The following CMPK2 variants were observed in gnomAD, a reference collection of about 807,000 sequenced individuals.
CMPK2 encodes cytidine/uridine monophosphate kinase 2.
In CMPK2, 32 loss-of-function variants were observed where a neutral mutation model predicts 33.4. That is an observed-to-expected ratio of 0.96 (90% CI 0.72 to 1.29). The LOEUF is 1.29. Among genes scored for constraint, CMPK2 ranks in the 50% most tolerant of loss-of-function variants. CMPK2 has a pLI of 0.00. For missense variants in CMPK2, 672 were observed against 616.0 expected, an observed-to-expected ratio of 1.09 and a Z score of -0.96; for synonymous variants, 299 against 275.3, an observed-to-expected ratio of 1.09 and a Z score of -0.85.
chr2:6,842,941 A>C lies in CMPK2; in HGVS notation c.993-2263T>G, dbSNP rs188727905. 5.6e-3 allele frequency among the ~76,000 whole-genome samples: 852 copies of C among 152,290 alleles called. 12 individuals are homozygous for C. Among genetic ancestry groups the C allele is most frequent in the Non-Finnish European group, 8.5e-3 (581 of 68,012 alleles). ...GACAGAGCTGAACTTTAGATTTGGA[A>C]ATTTTATATCCACTACCTGCTAGAA... is the stretch of plus-strand genomic sequence containing the variant. On this transcript the variant is annotated intron_variant, in intron 3 of 3. Transcript: ENST00000458098.
chr2:6,859,691 C>A (rs1305884264), intron 3 of CMPK2, among the ~76,000 whole-genome samples: 1 of 152,226 alleles, frequency 6.6e-6, no homozygotes, highest in African/African-American at 2.4e-5. Flanking sequence ...ATGGAAATGC[C>A]TGGATGTCCA....
intron 3 of CMPK2, among the ~76,000 whole-genome samples, chr2:6,856,369 T>C (rs2103222989): frequency 6.6e-6 from 1 of 152,238 alleles, no homozygotes; most frequent in South Asian, 2.1e-4. Flanking sequence ...GGACAGTTGC[T>C]ACCCCTGGGG....
In CMPK2 at chr2:6,861,188, C is replaced by T; in HGVS notation, c.988G>A (p.Asp330Asn). The change falls in exon 3 of 5, where the codon GAC becomes AAC. Residue 330 changes from aspartate (D) to asparagine (N), a missense_variant. By Grantham distance (23) the Asp-to-Asn change is conservative. Coordinates refer to ENST00000256722, the MANE Select transcript of CMPK2 (RefSeq NM_207315.4). ...TCAAGGCATCTTTATACCTACCTGT[C>T]TACAATCACAGGAGATTTGGCAGAT... The part of the protein sequence containing the change: ...KESAKSPVIV[D>N]RYWHSTATYA... The T allele has an allele frequency of 3.7e-6, 6 of 1,613,054 alleles. No individual in the cohort carries two copies. The highest frequency in any genetic ancestry group is 4.2e-6 in the Non-Finnish European group (5 of 1,179,226).
intron 3 of CMPK2, among the ~76,000 whole-genome samples, chr2:6,858,738 T>G (rs1041393371): frequency 7.2e-5 from 11 of 152,368 alleles, no homozygotes; most frequent in African/African-American, 2.4e-4. Context: ...TTAAACCTCT[T>G]TCTTTTGTAA....
At chr2:6,863,409 C>A (rs1189679807) in intron 2 of CMPK2, 55 bp downstream of exon 2, 1 of 1,465,780 alleles carries the variant, frequency 6.8e-7, no homozygotes. Context: ...ATTTCTGTTT[C>A]TGCAACTAAT....
chr2:6,860,670 G>A (rs951397199), intron 3 of CMPK2, among the ~76,000 whole-genome samples: 5 of 152,138 alleles, frequency 3.3e-5, no homozygotes, highest in South Asian at 2.1e-4. Context: ...GCCGAATCTC[G>A]GGTATGTCTT....
chr2:6,866,063 C>A, upstream of CMPK2: 1 of 284,926 alleles, frequency 3.5e-6, no homozygotes. Flanking sequence ...CGTGTGCGTT[C>A]TGCGGGTGGC....
intron 3 of CMPK2, among the ~76,000 whole-genome samples, chr2:6,858,745 G>A (rs902876198): frequency 6.6e-6 from 1 of 152,164 alleles, no homozygotes; most frequent in Non-Finnish European, 1.5e-5. Flanking sequence ...TCTTTCTTTT[G>A]TAAATTGCCC....
At chr2:6,865,918 C>T, upstream of CMPK2, 1 of 1,401,512 alleles carries the variant, frequency 7.1e-7, no homozygotes, top group East Asian at 3.5e-5. Flanking sequence ...GCGCGATAAA[C>T]GGCCGGCGCT....
chr2:6,856,386 T>G (rs1662704570), intron 3 of CMPK2, among the ~76,000 whole-genome samples: 1 of 152,000 alleles, frequency 6.6e-6, no homozygotes, highest in Non-Finnish European at 1.5e-5. Flanking sequence ...GGGGAGGAAA[T>G]GGGCAGTGAC....
intron 3 of CMPK2, among the ~76,000 whole-genome samples, chr2:6,852,574 C>A (rs1174616532): frequency 6.6e-6 from 1 of 152,178 alleles, no homozygotes; most frequent in African/African-American, 2.4e-5. Flanking sequence ...TTCTACGTGA[C>A]TCTACTGAAA....
Position 6,865,114 on chromosome 2 carries a change from C to A in CMPK2, c.583G>T (p.Val195Phe). 1 of 1,507,172 alleles carries A rather than the reference C, an allele frequency of 6.6e-7. No individual in the cohort carries two copies. Among genetic ancestry groups the A allele is most frequent in the Non-Finnish European group, 8.9e-7 (1 of 1,126,772 alleles). 93.4% of individuals were successfully genotyped at this position (1,507,172 alleles called of 1,614,324 possible). A position where few individuals can be genotyped will look rare whatever the true frequency, so the allele number is the denominator to read the frequency against. ...ACCGGGTGCAGCGGGGGCTCCGGGA[C>A]GGGCACGACCTGTGCGCAGCCCACC... ...LQVGCAQVVP[V>F]PEPPLHPVVP... Residue 195 changes from valine to phenylalanine, a missense_variant, in exon 1 of 5, where the codon GTC (valine) becomes TTC (phenylalanine). Physicochemically the swap from Val to Phe is conservative, Grantham distance 50. Transcript: ENST00000256722.
chr2:6,847,192 A>G (rs1662383501), downstream of CMPK2, among the ~76,000 whole-genome samples: 2 of 152,074 alleles, frequency 1.3e-5, no homozygotes, highest in Admixed American at 1.3e-4. Context: ...CTGGCCCAGG[A>G]CCAATCAGAA....
At chr2:6,843,601 G>T (rs1181356815), downstream of CMPK2, among the ~76,000 whole-genome samples, 6 of 152,112 alleles carry the variant, frequency 3.9e-5, no homozygotes, top group Non-Finnish European at 7.4e-5. Flanking sequence ...GGCTAATATT[G>T]ATTTCTACTA....
Position 6,865,115 on chromosome 2 carries a change from G to T in CMPK2, c.582C>A (p.Pro194=), listed in dbSNP as rs768051495. Residue 194 remains proline (P), a synonymous_variant, in exon 1 of 5, where the codon CCC becomes CCA. Transcript: ENST00000256722. ...CCGGGTGCAGCGGGGGCTCCGGGACGGGCACGACCTGTGCGCAGCCCACCT... is the reference window on the plus strand; with the variant it reads ...CCGGGTGCAGCGGGGGCTCCGGGACTGGCACGACCTGTGCGCAGCCCACCT... ...RLQVGCAQVV[P]VPEPPLHPVV... 4.6e-6 allele frequency: 7 copies of T among 1,508,658 alleles called. No homozygotes were observed. The highest frequency in any genetic ancestry group is 2.8e-5 in the East Asian group (1 of 36,124). 93.5% of individuals were successfully genotyped at this position (1,508,658 alleles called of 1,614,324 possible). A position where few individuals can be genotyped will look rare whatever the true frequency, so the allele number is the denominator to read the frequency against.
At chr2:6,841,456 T>A (rs1051497328) in intron 3 of CMPK2, among the ~76,000 whole-genome samples, 1 of 152,192 alleles carries the variant, frequency 6.6e-6, no homozygotes, top group East Asian at 1.9e-4. Context: ...TTGGTAGATA[T>A]TTACCTGAGA....
chr2:6,862,318 GA>G (rs1408622862), intron 2 of CMPK2, among the ~76,000 whole-genome samples: 1 of 152,208 alleles, frequency 6.6e-6, no homozygotes, highest in African/African-American at 2.4e-5. Context: ...GACAGAAGAA[GA>G]AATTGAGCAC....
chr2:6,851,396 C>T (rs761121403), intron 4 of CMPK2, 54 bp downstream of exon 4: 2 of 1,610,664 alleles, frequency 1.2e-6, no homozygotes, highest in South Asian at 2.2e-5. Context: ...GCCAGTGGTT[C>T]ATCTCCCTTC....
rs1260287991 is a variant in CMPK2, at chr2:6,848,418, T to C, written c.*1432A>G. The C allele has an allele frequency of 3.1e-6, 3 of 983,462 alleles. No homozygotes were observed. The highest frequency in any genetic ancestry group is 3.5e-5 in the African/African-American group (2 of 57,150). 60.9% of individuals were successfully genotyped at this position (983,462 alleles called of 1,614,324 possible). A position where few individuals can be genotyped will look rare whatever the true frequency, so the allele number is the denominator to read the frequency against. On this transcript the variant is annotated 3_prime_UTR_variant, in exon 5 of 5. Coordinates refer to ENST00000256722, the MANE Select transcript of CMPK2 (RefSeq NM_207315.4). ...GCCAGTATAAGCTTTTCAAAATGTT[T>C]AAAGTAAATAAAACCAATAATACAG...
Sources: allele counts gnomAD v4.1 joint callset (sites outside exome capture counted in the v4.1 genomes callset), GRCh38; gene constraint gnomAD v4.1.1; transcripts MANE v1.5; gene names NCBI Gene and HGNC (gene_info 2026-07-23, HGNC 2026-07-21).